The following PI4KA variants were observed in gnomAD, a reference collection of about 807,000 sequenced individuals.
PI4KA encodes phosphatidylinositol 4-kinase alpha.
Under a neutral mutation model 271.4 loss-of-function variants are expected in PI4KA, and 122 were observed. The observed-to-expected ratio is 0.45, with a 90% confidence interval of 0.39 to 0.52. PI4KA has a LOEUF of 0.52. Ranked by LOEUF, PI4KA falls within the 20% of genes least tolerant of loss-of-function variation. The pLI is 0.00. For missense variants in PI4KA, 1,969 were observed against 2,769.1 expected (o/e 0.71, Z 6.48); for synonymous variants, 1,041 against 1,078.8 (o/e 0.96, Z 0.69).
intron 29 of PI4KA, among the ~76,000 whole-genome samples, chr22:20,745,886 C>A (rs1428874785): frequency 6.8e-6 from 1 of 146,824 alleles, no homozygotes; most frequent in African/African-American, 2.7e-5. Context: ...CACCATCACT[C>A]CTCACTGCCC....
chr22:20,811,628 C>T (rs1921029080), intron 8 of PI4KA, among the ~76,000 whole-genome samples: 1 of 141,718 alleles, frequency 7.1e-6, no homozygotes, highest in Non-Finnish European at 1.5e-5. Context: ...AAAAAACTGC[C>T]CACATCCACA....
intron 11 of PI4KA, among the ~76,000 whole-genome samples, chr22:20,804,743 G>A (rs939082808): frequency 5.3e-5 from 8 of 152,192 alleles, no homozygotes; most frequent in Admixed American, 2.0e-4. Flanking sequence ...CTGAGGCCAC[G>A]GGCATCCCCA....
intron 19 of PI4KA, among the ~76,000 whole-genome samples, chr22:20,772,926 CA>C (rs745382621): frequency 1.5e-4 from 23 of 152,018 alleles, no homozygotes; most frequent in Non-Finnish European, 2.8e-4. Flanking sequence ...CCTGTCTCTA[CA>C]AAAAAGTCAA....
intron 9 of PI4KA, among the ~76,000 whole-genome samples, chr22:20,808,700 A>C (rs1051632965): frequency 1.3e-5 from 2 of 149,770 alleles, no homozygotes; most frequent in Non-Finnish European, 3.0e-5. Context: ...TTTTTTAGAG[A>C]TAGGGTCTCA....
chr22:20,751,638 TG>T, intron 26 of PI4KA, 35 bp downstream of exon 26: 1 of 1,537,294 alleles, frequency 6.5e-7, no homozygotes, highest in Non-Finnish European at 9.0e-7. Context: ...GTAGAGCGGG[TG>T]GTGTTTGGGC....
chr22:20,824,524 G>T (rs1315876062), intron 3 of PI4KA, 110 bp from the exon 4 acceptor site: 1 of 690,268 alleles, frequency 1.4e-6, no homozygotes, highest in Non-Finnish European at 2.4e-6. Flanking sequence ...CAAGGGACCA[G>T]TTTACAGCAG....
At chr22:20,839,010 A>G (rs1460822547) in intron 1 of PI4KA, among the ~76,000 whole-genome samples, 1 of 152,202 alleles carries the variant, frequency 6.6e-6, no homozygotes, top group Non-Finnish European at 1.5e-5. Context: ...TGAGGTCAGG[A>G]GTTCAAGACC....
At chr22:20,751,616 G>C (rs577698874) in intron 26 of PI4KA, 58 bp downstream of exon 26, 1 of 1,388,920 alleles carries the variant, frequency 7.2e-7, no homozygotes, top group Non-Finnish European at 1.0e-6. Context: ...GGACAGGGCC[G>C]GCGGGGTGGT....
intron 27 of PI4KA, among the ~76,000 whole-genome samples, 182 bp downstream of exon 27, chr22:20,751,111 C>A (rs1317052559): frequency 4.6e-5 from 7 of 152,034 alleles, no homozygotes; most frequent in African/African-American, 1.4e-4. Context: ...GCAGCCAGCT[C>A]CCCTTGCACT....
At chr22:20,762,530 G>T (rs1932077433) in intron 22 of PI4KA, among the ~76,000 whole-genome samples, 1 of 152,176 alleles carries the variant, frequency 6.6e-6, no homozygotes, top group Non-Finnish European at 1.5e-5. Context: ...TCCTCTGCCA[G>T]TTAAGAGCCC....
At chr22:20,852,954 G>C (rs575529643) in intron 1 of PI4KA, among the ~76,000 whole-genome samples, 2 of 152,190 alleles carry the variant, frequency 1.3e-5, no homozygotes, top group Admixed American at 1.3e-4. Flanking sequence ...ACATCAGATC[G>C]GGCTGGGTGC....
chr22:20,710,754 C>T lies in PI4KA; in HGVS notation c.6028G>A (p.Ala2010Thr), dbSNP rs1925156760. ...MVMIMGGKME[A>T]TPFKWFMEMC... ...TCCATGAACCACTTGAAGGGTGTGG[C>T]CTCCATCTTGCCCCCCATGATCATC... is the stretch of plus-strand genomic sequence containing the variant. The change falls in exon 52 of 55, where the codon GCC becomes ACC. Residue 2010 changes from alanine (A) to threonine (T), a missense_variant. Around this residue, in one of 13 missense-constraint regions of PI4KA, gnomAD observed 110 missense variants for 349.8 expected, o/e 0.31. Transcript: ENST00000255882. The T allele has an allele frequency of 1.2e-6, 2 of 1,613,884 alleles. No individual in the cohort carries two copies. Among genetic ancestry groups the T allele is most frequent in the East Asian group, 2.2e-5 (1 of 44,880 alleles).
At chr22:20,748,363 T>G (rs550063931) in intron 28 of PI4KA, among the ~76,000 whole-genome samples, 149 of 152,358 alleles carry the variant, frequency 9.8e-4, no homozygotes, top group Non-Finnish European at 1.8e-3. Context: ...ACAGGCAGGC[T>G]GTGTGGTGTG....
At chr22:20,736,555 C>G (rs1332678733) in intron 32 of PI4KA, 1 of 153,344 alleles carries the variant, frequency 6.5e-6, no homozygotes, top group Non-Finnish European at 1.5e-5. Context: ...CTGGATAAAC[C>G]TCAAAGGTGA....
At chr22:20,747,220 G>C (rs528488354) in intron 29 of PI4KA, among the ~76,000 whole-genome samples, 1 of 152,350 alleles carries the variant, frequency 6.6e-6, no homozygotes, top group Non-Finnish European at 1.5e-5. Context: ...CAGGAGTCCA[G>C]TATACGCTCC....
At position 20,721,541 on chromosome 22, in the gene PI4KA, G is replaced by A. The variant is rs541579907; in HGVS notation, c.4996-123C>T. Reference sequence around the variant, plus strand: ...AAGGGTAAGGCCCGGTGGCTCTAGTGGTGTGGACAAGCTCTCCAGGATTGA... The same window carrying A: ...AAGGGTAAGGCCCGGTGGCTCTAGTAGTGTGGACAAGCTCTCCAGGATTGA... On this transcript the variant is annotated intron_variant, in intron 42 of 54. Coordinates refer to ENST00000255882, the MANE Select transcript of PI4KA (RefSeq NM_058004.4). 8.1e-5 allele frequency: 80 copies of A among 984,334 alleles called. No individual in the cohort carries two copies. In the South Asian group the frequency reaches 1.0e-3, roughly 13 times the overall value. 61.0% of individuals were successfully genotyped at this position (984,334 alleles called of 1,614,324 possible). A position where few individuals can be genotyped will look rare whatever the true frequency, so the allele number is the denominator to read the frequency against.
Position 20,749,900 on chromosome 22 carries a change from A to G in PI4KA, c.3243+5T>C. On this transcript the variant is annotated splice_donor_5th_base_variant and intron_variant, in intron 28 of 54. Transcript: ENST00000255882. ...TGGCAATTGCCTTTTGATGGTTTCA[A>G]GTACCTGCAGGTGGGACTTGGTGAC... 1.3e-6 allele frequency: 2 copies of G among 1,582,216 alleles called. No homozygotes were observed. The highest frequency in any genetic ancestry group is 8.7e-7 in the Non-Finnish European group (1 of 1,150,884).
intron 19 of PI4KA, chr22:20,785,980 G>C (rs377274299): frequency 6.2e-7 from 1 of 1,613,958 alleles, no homozygotes; most frequent in African/African-American, 1.3e-5. Flanking sequence ...ATAAAACTGG[G>C]CCCCCCTTTC....
intron 12 of PI4KA, 143 bp from the exon 13 acceptor site, chr22:20,803,463 G>A (rs1601533388): frequency 3.6e-6 from 3 of 828,222 alleles, no homozygotes; most frequent in South Asian, 3.2e-5. Context: ...CACCTGCCCA[G>A]GACATAAAAA....
Sources: allele counts gnomAD v4.1 joint callset (sites outside exome capture counted in the v4.1 genomes callset), GRCh38; gene constraint gnomAD v4.1.1; regional missense constraint gnomAD v4.1.1; transcripts MANE v1.5; gene names NCBI Gene and HGNC (gene_info 2026-07-23, HGNC 2026-07-21).